The following GRID1 variants were observed in gnomAD, a reference collection of about 807,000 sequenced individuals.
GRID1 encodes the protein glutamate ionotropic receptor delta type subunit 1.
GRID1 carries 28 observed loss-of-function variants against 98.0 expected under a neutral mutation model. The ratio of observed to expected loss-of-function variants is 0.29; its 90% CI spans 0.21 to 0.39. The LOEUF is 0.39. Among genes scored for constraint, GRID1 ranks in the 10% least tolerant of loss-of-function variants. GRID1 has a pLI of 1.00. For synonymous variants in GRID1, 553 were observed against 538.5 expected, an observed-to-expected ratio of 1.03 and a Z score of -0.37; for missense variants, 1,111 against 1,340.5, an observed-to-expected ratio of 0.83 and a Z score of 2.67.
At chr10:86,067,189 AG>A (rs1371166311) in intron 4 of GRID1, among the ~76,000 whole-genome samples, 2 of 152,234 alleles carry the variant, frequency 1.3e-5, no homozygotes, top group East Asian at 3.9e-4. Flanking sequence ...AGTACTGATA[AG>A]GTGTTAATAA....
At chr10:85,697,213 G>C (rs758932073) in intron 12 of GRID1, among the ~76,000 whole-genome samples, 2 of 152,022 alleles carry the variant, frequency 1.3e-5, no homozygotes, top group Non-Finnish European at 2.9e-5. Flanking sequence ...GTTTTTAAGA[G>C]AATTAAGTTA....
chr10:86,025,990 G>A (rs1564653303), intron 4 of GRID1, among the ~76,000 whole-genome samples: 1 of 152,194 alleles, frequency 6.6e-6, no homozygotes, highest in African/African-American at 2.4e-5. Flanking sequence ...ACTTTCCAAG[G>A]CCACACCACC....
At chr10:85,801,424 G>T (rs1842575906) in intron 8 of GRID1, among the ~76,000 whole-genome samples, 1 of 151,632 alleles carries the variant, frequency 6.6e-6, no homozygotes, top group African/African-American at 2.4e-5. Flanking sequence ...AATTTTACAG[G>T]ACTATTCATT....
intron 2 of GRID1, among the ~76,000 whole-genome samples, chr10:86,233,849 C>T (rs577277354): frequency 4.5e-4 from 68 of 151,650 alleles, no homozygotes; most frequent in African/African-American, 1.5e-3. Context: ...CTGCTGTGGA[C>T]GGCATGGCCA....
intron 4 of GRID1, among the ~76,000 whole-genome samples, chr10:86,073,557 G>C (rs1171474022): frequency 6.6e-6 from 1 of 152,228 alleles, no homozygotes; most frequent in Non-Finnish European, 1.5e-5. Flanking sequence ...CCTCCTGCTG[G>C]AATGATCCAG....
chr10:86,077,620 T>A (rs1331756732), intron 4 of GRID1, among the ~76,000 whole-genome samples: 1 of 152,240 alleles, frequency 6.6e-6, no homozygotes, highest in Admixed American at 6.5e-5. Context: ...ACACATATTG[T>A]GTGGCTATGG....
chr10:85,658,136 G>A (rs1244656604), intron 12 of GRID1, among the ~76,000 whole-genome samples: 1 of 152,136 alleles, frequency 6.6e-6, no homozygotes, highest in African/African-American at 2.4e-5. Context: ...TTCCCCTTCT[G>A]GCACAGCCTG....
At chr10:85,661,319 T>C (rs1157932255) in intron 12 of GRID1, among the ~76,000 whole-genome samples, 1 of 152,160 alleles carries the variant, frequency 6.6e-6, no homozygotes, top group Non-Finnish European at 1.5e-5. Flanking sequence ...GGCCTTTTCC[T>C]GCTGTGATAT....
intron 12 of GRID1, among the ~76,000 whole-genome samples, chr10:85,720,094 G>C (rs185520637): frequency 6.6e-6 from 1 of 152,186 alleles, no homozygotes; most frequent in Admixed American, 6.5e-5. Flanking sequence ...ATAGTAAATG[G>C]TTACTTGCTT....
chr10:85,730,861 C>G (rs1450797258), intron 8 of GRID1, among the ~76,000 whole-genome samples: 5 of 152,194 alleles, frequency 3.3e-5, no homozygotes, highest in African/African-American at 1.2e-4. Flanking sequence ...GGTGATGCTG[C>G]TGCTGCTGCT....
chr10:86,111,961 C>T (rs1039843431), intron 4 of GRID1, among the ~76,000 whole-genome samples: 2 of 152,064 alleles, frequency 1.3e-5, no homozygotes, highest in Admixed American at 1.3e-4. Flanking sequence ...AGTCTCCACC[C>T]GACAATAAAG....
chr10:85,897,878 C>T (rs200775907), intron 5 of GRID1, among the ~76,000 whole-genome samples: 2 of 64,580 alleles, frequency 3.1e-5, no homozygotes, highest in African/African-American at 2.0e-4. Context: ...ATCTCCCCAA[C>T]CCCCCACTGT....
chr10:85,923,063 C>T (rs1255251630), intron 4 of GRID1, among the ~76,000 whole-genome samples: 1 of 152,138 alleles, frequency 6.6e-6, no homozygotes, highest in East Asian at 1.9e-4. Context: ...TTAGATCCCA[C>T]TGGGGAATCT....
chr10:85,674,634 T>C (rs1841123831), intron 12 of GRID1, among the ~76,000 whole-genome samples: 1 of 152,068 alleles, frequency 6.6e-6, no homozygotes, highest in South Asian at 2.1e-4. Flanking sequence ...ATCACATAGT[T>C]AATATTTTGT....
intron 4 of GRID1, among the ~76,000 whole-genome samples, chr10:86,118,936 A>G: frequency 6.6e-6 from 1 of 152,226 alleles, no homozygotes; most frequent in East Asian, 1.9e-4. Context: ...CTGAGAAACT[A>G]TCACATCCAA....
intron 13 of GRID1, among the ~76,000 whole-genome samples, chr10:85,637,306 T>C (rs1303760348): frequency 6.6e-6 from 1 of 152,274 alleles, no homozygotes; most frequent in East Asian, 1.9e-4. Flanking sequence ...ATCATAAATG[T>C]ATAACCTAAA....
chr10:86,162,684 A>G (rs1845339874), intron 3 of GRID1, among the ~76,000 whole-genome samples: 1 of 152,204 alleles, frequency 6.6e-6, no homozygotes, highest in African/African-American at 2.4e-5. Flanking sequence ...AGCAGGGTGC[A>G]CACTAGTGGA....
chr10:86,067,020 TAGCG>T, intron 4 of GRID1, among the ~76,000 whole-genome samples: 1 of 152,212 alleles, frequency 6.6e-6, no homozygotes, highest in South Asian at 2.1e-4. Context: ...CCTTCCTTAA[TAGCG>T]CATAGAGCTG....
intron 15 of GRID1, among the ~76,000 whole-genome samples, chr10:85,602,971 T>C (rs1249675890): frequency 6.6e-6 from 1 of 152,210 alleles, no homozygotes; most frequent in African/African-American, 2.4e-5. Flanking sequence ...GTACTCAGTT[T>C]AGAGTCACTG....
Sources: gnomAD v4.1 joint callset for allele counts (sites outside exome capture counted in the v4.1 genomes callset) on GRCh38, gnomAD v4.1.1 for gene constraint, MANE v1.5 for transcripts, NCBI Gene and HGNC (gene_info 2026-07-23, HGNC 2026-07-21) for gene names.